The following FGFR1 variants were observed in gnomAD, a reference collection of about 807,000 sequenced individuals.
The protein encoded by FGFR1 is FGFR1/PLAG1 fusion.
A neutral mutation model predicts 93.7 loss-of-function variants in FGFR1; 18 were observed. That is an observed-to-expected ratio of 0.19 (90% CI 0.13 to 0.28). The LOEUF is 0.28. FGFR1 is among the 10% of genes least tolerant of loss of function. The pLI is 1.00. For synonymous variants in FGFR1, 448 were observed against 429.3 expected (o/e 1.04, Z -0.54); for missense variants, 731 against 1,080.4 (o/e 0.68, Z 4.53).
intron 2 of FGFR1, among the ~76,000 whole-genome samples, chr8:38,441,057 G>T (rs779351374): frequency 2.0e-5 from 3 of 151,600 alleles, no homozygotes; most frequent in Admixed American, 6.6e-5. Flanking sequence ...CCCTGCACCC[G>T]CCCCGAGACC....
chr8:38,419,629 G>A lies in FGFR1; in HGVS notation c.1188C>T (p.Val396=), dbSNP rs2150709490. 1 of 1,614,062 alleles carries A rather than the reference G, an allele frequency of 6.2e-7. No individual in the cohort carries two copies. The highest frequency in any genetic ancestry group is 8.5e-7 in the Non-Finnish European group (1 of 1,179,976). The change falls in exon 9 of 18, where the codon GTC becomes GTT. Residue 396 remains valine, a synonymous_variant. Transcript: ENST00000447712. ...LISCMVGSVI[V]YKMKSGTKKS... ...TCTTGGTACCACTCTTCATCTTGTA[G>A]ACGATGACCGACCCCACCATGCAGG... is the stretch of plus-strand genomic sequence containing the variant.
intron 5 of FGFR1, 145 bp downstream of exon 5, chr8:38,427,776 C>A (rs1296528716): frequency 3.6e-6 from 3 of 838,770 alleles, no homozygotes; most frequent in Non-Finnish European, 5.7e-6. Context: ...ACTTTATTTG[C>A]ATTTTTTTGT....
chr8:38,446,504 C>T (rs940968811), intron 2 of FGFR1, among the ~76,000 whole-genome samples: 2 of 152,050 alleles, frequency 1.3e-5, no homozygotes, highest in Non-Finnish European at 2.9e-5. Flanking sequence ...ACCCACCACA[C>T]CAGGCCTAGG....
chr8:38,434,572 C>G (rs2151029870), intron 2 of FGFR1: 2 of 271,478 alleles, frequency 7.4e-6, no homozygotes, highest in East Asian at 1.6e-4. Flanking sequence ...AAAGTCTTGG[C>G]AGGCATTCAA....
At chr8:38,450,831 G>A (rs139164545) in intron 2 of FGFR1, among the ~76,000 whole-genome samples, 6 of 152,334 alleles carry the variant, frequency 3.9e-5, no homozygotes, top group African/African-American at 1.4e-4. Context: ...TAATGGTGTA[G>A]CAATGCAGAA....
Position 38,457,299 on chromosome 8 carries a change from C to T in FGFR1, c.91+57G>A, listed in dbSNP as rs138629922. The T allele has an allele frequency of 1.0e-3, 1,628 of 1,588,650 alleles. 12 individuals are homozygous for T. The African/African-American group carries it at 0.019, about 19-fold the overall frequency. ...ACCTGCAACCATATCACCTCCCTCC[C>T]AGCCCATCCTGTTCCCAAGGCCCAG... On this transcript the variant is annotated intron_variant, in intron 2 of 17. Transcript: ENST00000447712.
Position 38,429,480 on chromosome 8 carries a change from C to T in FGFR1, c.358+202G>A. ...TGTCCTGGAAGCCCCAGATCTCCGG[C>T]CCTGGGGCCCACCCCACCTAGTCAC... On this transcript the variant is annotated intron_variant, in intron 3 of 17. Coordinates refer to ENST00000447712, the MANE Select transcript of FGFR1 (RefSeq NM_023110.3). The surrounding 1 kb of genome is among the most constrained non-coding windows in gnomAD (Gnocchi z 4.4). 2.8e-6 allele frequency: 2 copies of T among 713,840 alleles called. No homozygotes were observed. Among genetic ancestry groups the T allele is most frequent in the Non-Finnish European group, 5.0e-6 (2 of 399,312 alleles). 44.2% of individuals were successfully genotyped at this position (713,840 alleles called of 1,614,324 possible).
intron 2 of FGFR1, chr8:38,430,477 CT>C: frequency 6.4e-6 from 1 of 157,194 alleles, no homozygotes; most frequent in Admixed American, 6.2e-5. Context: ...CAACTGGGGG[CT>C]GACCAGGATG....
rs2150517873 is a variant in FGFR1, at chr8:38,413,909, C to T, written c.2292+9G>A. On this transcript the variant is annotated intron_variant, in intron 17 of 17. Transcript: ENST00000447712. This position sits in a 1 kb window ranked among gnomAD's most constrained non-coding sequence, Gnocchi z 4.2. ...GCCTGAGCTCTGGCTCTGGCACGGG[C>T]AGCCTTACCTGGTTGGAGGTCAAGG... 6.2e-7 allele frequency: 1 copy of T among 1,613,756 alleles called. No homozygotes were observed. Among genetic ancestry groups the T allele is most frequent in the Non-Finnish European group, 8.5e-7 (1 of 1,179,816 alleles).
intron 1 of FGFR1, among the ~76,000 whole-genome samples, chr8:38,462,935 T>C (rs1387383103): frequency 7.5e-6 from 1 of 133,808 alleles, no homozygotes; most frequent in Non-Finnish European, 1.6e-5. Flanking sequence ...AACAGGGTCT[T>C]CCTCTGTCCC....
At chr8:38,454,916 T>C (rs1420032005) in intron 2 of FGFR1, among the ~76,000 whole-genome samples, 1 of 151,504 alleles carries the variant, frequency 6.6e-6, no homozygotes, top group African/African-American at 2.4e-5. Flanking sequence ...CACTACTTGC[T>C]AAAAACTTTT....
intron 2 of FGFR1, among the ~76,000 whole-genome samples, chr8:38,442,362 GGTGTGTGTGTGTGTGTGT>G (rs56889687): frequency 6.9e-6 from 1 of 145,980 alleles, no homozygotes; most frequent in African/African-American, 2.5e-5. Flanking sequence ...TTGTTAAAGT[GGTGTGTGTGTGTGTGTGT>G]GTGTGTGTGT....
intron 1 of FGFR1, among the ~76,000 whole-genome samples, chr8:38,461,928 A>AGAAGGACAG (rs1834486240): frequency 6.6e-6 from 1 of 152,226 alleles, no homozygotes; most frequent in African/African-American, 2.4e-5. Flanking sequence ...AATTGGCAGC[A>AGAAGGACAG]GAAGGACAGG....
intron 1 of FGFR1, 94 bp from the exon 2 acceptor site, chr8:38,457,628 C>CT: frequency 7.6e-7 from 1 of 1,309,922 alleles, no homozygotes. Context: ...GTGGTGGCTG[C>CT]TTAAAGTGTG....
chr8:38,457,627 G>T (rs1471002191), intron 1 of FGFR1, 93 bp from the exon 2 acceptor site: 1 of 1,313,152 alleles, frequency 7.6e-7, no homozygotes, highest in Non-Finnish European at 1.0e-6. Context: ...TGTGGTGGCT[G>T]CTTAAAGTGT....
At chr8:38,437,049 T>C (rs965447111) in intron 2 of FGFR1, among the ~76,000 whole-genome samples, 2 of 152,056 alleles carry the variant, frequency 1.3e-5, no homozygotes, top group Admixed American at 1.3e-4. Flanking sequence ...CCCGGCTAAT[T>C]TTGTATTTTT....
Position 38,426,181 on chromosome 8 carries a change from G to C in FGFR1, c.686C>G (p.Thr229Ser), listed in dbSNP as rs2150861790. 1.2e-6 allele frequency: 2 copies of C among 1,614,190 alleles called. No individual in the cohort carries two copies. The highest frequency in any genetic ancestry group is 1.7e-6 in the Non-Finnish European group (2 of 1,180,042). The change falls in exon 6 of 18, where the codon ACC becomes AGC. Residue 229 changes from threonine (T) to serine (S), a missense_variant. Physicochemically the swap from Thr to Ser is moderately conservative, Grantham distance 58. This residue lies in a region of FGFR1 where 109 missense variants were observed against 249.4 expected (regional missense o/e 0.44). Transcript: ENST00000447712. The surrounding 1 kb of genome is among the most constrained non-coding windows in gnomAD (Gnocchi z 4.1). The stretch of plus-strand genomic sequence containing the variant: ...GCCGTACTCATTCTCCACAATGCAG[G>C]TGTAGTTGCCCTTGTCAGAGGGCAC... ...SVVPSDKGNY[T>S]CIVENEYGSI...
chr8:38,449,301 AG>A (rs1830346325), intron 2 of FGFR1, among the ~76,000 whole-genome samples: 2 of 152,208 alleles, frequency 1.3e-5, no homozygotes, highest in South Asian at 4.1e-4. Flanking sequence ...TTTCCAGCTA[AG>A]GGACTAGGAT....
Position 38,415,867 on chromosome 8 carries a change from C to T in FGFR1, c.1854+3G>A. On this transcript the variant is annotated splice_donor_region_variant and intron_variant, in intron 13 of 17. Coordinates refer to ENST00000447712, the MANE Select transcript of FGFR1 (RefSeq NM_023110.3). ...TACCCAGGGGAGCCTTCAGGTTCCA[C>T]ACCTTCTTGGAGGCCAGATACTCCA... 1 of 1,613,458 alleles carries T rather than the reference C, an allele frequency of 6.2e-7. No homozygotes were observed.
Sources: gnomAD v4.1 joint callset for allele counts (sites outside exome capture counted in the v4.1 genomes callset) on GRCh38, gnomAD v4.1.1 for gene constraint, gnomAD v4.1.1 regional missense constraint, Gnocchi (gnomAD v3.1) non-coding constraint, MANE v1.5 for transcripts, NCBI Gene and HGNC (gene_info 2026-07-23, HGNC 2026-07-21) for gene names.